TFB2M: variants seen among roughly 807,000 people sequenced by gnomAD.
TFB2M encodes the protein dimethyladenosine transferase 2, mitochondrial.
A neutral mutation model predicts 41.3 loss-of-function variants in TFB2M; 44 were observed. The observed-to-expected ratio is 1.07, with a 90% confidence interval of 0.84 to 1.37. The LOEUF (loss-of-function observed/expected upper bound fraction) is 1.37, where lower values mean the gene tolerates loss of function less well. TFB2M is among the 40% of genes most tolerant of loss of function. TFB2M has a pLI of 0.00. For synonymous variants in TFB2M, 188 were observed against 176.8 expected (o/e 1.06, Z -0.50); for missense variants, 496 against 490.2 (o/e 1.01, Z -0.11).
chr1:246,555,935 C>A (rs1396345627), intron 4 of TFB2M, among the ~76,000 whole-genome samples: 4 of 152,008 alleles, frequency 2.6e-5, no homozygotes, highest in Non-Finnish European at 5.9e-5. Context: ...GGATTACAGG[C>A]ATGCACCACC....
intron 1 of TFB2M, among the ~76,000 whole-genome samples, chr1:246,565,022 GAA>G (rs71563791): frequency 6.6e-6 from 1 of 152,086 alleles, no homozygotes; most frequent in Non-Finnish European, 1.5e-5. Flanking sequence ...CCTCTTAGAA[GAA>G]AAAAGTCACA....
intron 4 of TFB2M, among the ~76,000 whole-genome samples, chr1:246,552,191 C>T (rs1659203508): frequency 1.3e-5 from 2 of 152,022 alleles, no homozygotes; most frequent in African/African-American, 4.8e-5. Context: ...AAGGGGACTG[C>T]TTGAGTCTAG....
chr1:246,551,344 T>C (rs1477650331), intron 4 of TFB2M, 42 bp from the exon 5 acceptor site: 4 of 1,354,086 alleles, frequency 3.0e-6, no homozygotes, highest in Non-Finnish European at 4.2e-6. Flanking sequence ...TACACATCTA[T>C]AATCAATTAA....
intron 2 of TFB2M, among the ~76,000 whole-genome samples, chr1:246,561,275 A>C (rs1016593647): frequency 2.0e-5 from 3 of 152,212 alleles, no homozygotes; most frequent in Non-Finnish European, 4.4e-5. Context: ...TAAGAGCCTT[A>C]ATAGAGAAAA....
intron 2 of TFB2M, among the ~76,000 whole-genome samples, chr1:246,559,197 T>C (rs1171459613): frequency 6.6e-6 from 1 of 152,138 alleles, no homozygotes; most frequent in Non-Finnish European, 1.5e-5. Context: ...GATGCTCCTG[T>C]CTCAGCCTCC....
chr1:246,564,452 C>T lies in TFB2M; in HGVS notation c.314-18G>A, dbSNP rs575651146. ...TCCAGGACCTGGCACATTAACAGAA[C>T]GAAAAGTTTATTTGTACAAGAAACA... On this transcript the variant is annotated intron_variant, in intron 1 of 7. Coordinates refer to ENST00000366514, the MANE Select transcript of TFB2M (RefSeq NM_022366.3). The T allele has an allele frequency of 5.6e-6, 9 of 1,608,834 alleles. No homozygotes were observed. Among genetic ancestry groups the T allele is most frequent in the Admixed American group, 3.3e-5 (2 of 59,792 alleles).
At chr1:246,558,250 G>A (rs1240875350) in intron 2 of TFB2M, among the ~76,000 whole-genome samples, 3 of 150,252 alleles carry the variant, frequency 2.0e-5, no homozygotes, top group African/African-American at 7.3e-5. Context: ...GGGCTTAAGT[G>A]ATCCTTCCAC....
At chr1:246,546,645 G>GAAAAAAAAA (rs35909822) in intron 6 of TFB2M, among the ~76,000 whole-genome samples, 1 of 137,152 alleles carries the variant, frequency 7.3e-6, no homozygotes. Flanking sequence ...ATAAAAAAAG[G>GAAAAAAAAA]AAAAAAAAAA....
rs1405052492 is a variant in TFB2M at position 246,556,601 on chromosome 1, T to G, written c.677A>C (p.Asn226Thr). 6.5e-7 allele frequency: 1 copy of G among 1,530,358 alleles called. No individual in the cohort carries two copies. Among genetic ancestry groups the G allele is most frequent in the African/African-American group, 1.4e-5 (1 of 70,902 alleles). 94.8% of individuals were successfully genotyped at this position (1,530,358 alleles called of 1,614,324 possible). A position where few individuals can be genotyped will look rare whatever the true frequency, so the allele number is the denominator to read the frequency against. ...GAATTCTTTTTCACCAATAAACATA[T>G]TTACTTCTATTCGTCCAAATTTATA... The part of the protein sequence containing the change: ...SIYKFGRIEV[N>T]MFIGEKEFQK... The change falls in exon 4 of 8, where the codon AAT becomes ACT. Residue 226 changes from asparagine (N) to threonine (T), a missense_variant. Physicochemically the swap from Asn to Thr is moderately conservative, Grantham distance 65. Coordinates refer to ENST00000366514, the MANE Select transcript of TFB2M (RefSeq NM_022366.3).
chr1:246,565,830 A>C lies in TFB2M; in HGVS notation c.309T>G (p.Asn103Lys). Reference sequence around the variant, plus strand: ...ATGCAATTCAGCTGGACTCACCTGGATTGCACTCCAGCAGTAGGTGTGGAG... The same window carrying C: ...ATGCAATTCAGCTGGACTCACCTGGCTTGCACTCCAGCAGTAGGTGTGGAG... ...SRPPHLLLEC[N>K]PGPGILTQAL... Residue 103 changes from asparagine (N) to lysine (K), a missense_variant, in exon 1 of 8, where the codon AAT (asparagine) becomes AAG (lysine). Physicochemically the swap from Asn to Lys is moderately conservative, Grantham distance 94. Coordinates refer to ENST00000366514, the MANE Select transcript of TFB2M (RefSeq NM_022366.3). 1 of 1,598,636 alleles carries C rather than the reference A, an allele frequency of 6.3e-7. No individual in the cohort carries two copies. Among genetic ancestry groups the C allele is most frequent in the South Asian group, 1.1e-5 (1 of 90,886 alleles).
chr1:246,556,955 A>G (rs1659339616), intron 3 of TFB2M, among the ~76,000 whole-genome samples: 1 of 152,124 alleles, frequency 6.6e-6, no homozygotes, highest in Admixed American at 6.6e-5. Context: ...ATCTGCTCAT[A>G]AACTGTATTA....
chr1:246,558,863 G>A (rs1659387541), intron 2 of TFB2M, among the ~76,000 whole-genome samples: 1 of 151,922 alleles, frequency 6.6e-6, no homozygotes, highest in African/African-American at 2.4e-5. Flanking sequence ...AGTAGTACTA[G>A]AGACCTTCAT....
intron 6 of TFB2M, among the ~76,000 whole-genome samples, chr1:246,548,158 G>T (rs995093140): frequency 1.3e-5 from 2 of 151,980 alleles, no homozygotes; most frequent in Non-Finnish European, 2.9e-5. Flanking sequence ...TGTTGGCCAG[G>T]GTGGTCCCGA....
At chr1:246,553,121 C>T (rs545727918) in intron 4 of TFB2M, among the ~76,000 whole-genome samples, 26 of 152,140 alleles carry the variant, frequency 1.7e-4, no homozygotes, top group Non-Finnish European at 3.5e-4. Flanking sequence ...ATTCAGGAGG[C>T]TGAGGCAGGA....
At chr1:246,565,002 T>C in intron 1 of TFB2M, among the ~76,000 whole-genome samples, 1 of 152,158 alleles carries the variant, frequency 6.6e-6, no homozygotes, top group East Asian at 1.9e-4. Context: ...TTCATCACCA[T>C]GATTCACTAC....
rs562261197 is a variant in TFB2M at position 246,545,102 on chromosome 1, G to A, written c.859-421C>T. 7.7e-4 allele frequency among the ~76,000 whole-genome samples: 117 copies of A among 152,062 alleles called. 1 individual carries two copies. The highest frequency in any genetic ancestry group is 2.1e-3 in the South Asian group (10 of 4,794). On this transcript the variant is annotated intron_variant, in intron 6 of 7. Transcript: ENST00000366514. ...ATTACAGGCGTGAGCCACCGTGCCC[G>A]GCCCACATTTTCTTATTGTGTACAC...
chr1:246,559,759 A>G (rs1013522602), intron 2 of TFB2M, among the ~76,000 whole-genome samples: 2 of 152,170 alleles, frequency 1.3e-5, no homozygotes, highest in Non-Finnish European at 2.9e-5. Context: ...GTCCAGTCTG[A>G]CGATATAAAT....
chr1:246,557,287 T>C, intron 3 of TFB2M, 94 bp downstream of exon 3: 1 of 1,416,186 alleles, frequency 7.1e-7, no homozygotes, highest in Non-Finnish European at 9.6e-7. Flanking sequence ...AACAAACAAA[T>C]AAATAAAACA....
At chr1:246,545,491 G>C (rs941251644) in intron 6 of TFB2M, among the ~76,000 whole-genome samples, 1 of 151,920 alleles carries the variant, frequency 6.6e-6, no homozygotes, top group Non-Finnish European at 1.5e-5. Flanking sequence ...CTCAAGGCTG[G>C]TTGACAGAGC....
Sources: allele counts gnomAD v4.1 joint callset (sites outside exome capture counted in the v4.1 genomes callset), GRCh38; gene constraint gnomAD v4.1.1; transcripts MANE v1.5; gene names NCBI Gene and HGNC (gene_info 2026-07-23, HGNC 2026-07-21).